The following LSAMP variants were observed in gnomAD, a reference collection of about 807,000 sequenced individuals.
LSAMP encodes the protein limbic system-associated membrane protein.
In LSAMP, 7 loss-of-function variants were observed where a neutral mutation model predicts 38.6. That is an observed-to-expected ratio of 0.18 (90% CI 0.10 to 0.34). The LOEUF (loss-of-function observed/expected upper bound fraction) is 0.34, where lower values mean the gene tolerates loss of function less well. Ranked by LOEUF, LSAMP falls within the 10% of genes least tolerant of loss-of-function variation. The pLI, the probability that LSAMP is intolerant of heterozygous loss-of-function variation, is 1.00. For synonymous variants in LSAMP, 154 were observed against 166.8 expected, an observed-to-expected ratio of 0.92 and a Z score of 0.59; for missense variants, 313 against 420.0, an observed-to-expected ratio of 0.75 and a Z score of 2.23.
chr3:116,044,529 T>C (rs1037943738), intron 2 of LSAMP, among the ~76,000 whole-genome samples: 1 of 151,804 alleles, frequency 6.6e-6, no homozygotes, highest in African/African-American at 2.4e-5. Flanking sequence ...AACCGTTTCA[T>C]GCATAAAAGG....
chr3:116,280,392 T>G (rs1223872254), intron 1 of LSAMP, among the ~76,000 whole-genome samples: 1 of 152,192 alleles, frequency 6.6e-6, no homozygotes, highest in South Asian at 2.1e-4. Context: ...GCTTTCTTTC[T>G]TGTATTAAAC....
intron 1 of LSAMP, among the ~76,000 whole-genome samples, chr3:116,271,169 T>G (rs76709351): frequency 0.059 from 8,995 of 152,130 alleles, 337 homozygotes; most frequent in Middle Eastern, 0.11. Flanking sequence ...ATTCAGCTAT[T>G]TCATATGCAA....
intron 6 of LSAMP, among the ~76,000 whole-genome samples, chr3:115,840,682 T>G (rs1459532532): frequency 6.6e-6 from 1 of 152,220 alleles, no homozygotes; most frequent in Non-Finnish European, 1.5e-5. Context: ...TTAAAATGGC[T>G]TTAACACTAC....
chr3:116,402,926 G>A (rs891827148), intron 1 of LSAMP, among the ~76,000 whole-genome samples: 7 of 151,992 alleles, frequency 4.6e-5, no homozygotes, highest in African/African-American at 1.5e-4. Context: ...TTGCCTTCAG[G>A]GAATGCTCCT....
intron 1 of LSAMP, among the ~76,000 whole-genome samples, chr3:116,386,504 G>T (rs1332477657): frequency 6.6e-6 from 1 of 152,094 alleles, no homozygotes; most frequent in African/African-American, 2.4e-5. Flanking sequence ...ATGGGGTTTT[G>T]CTCTGTTGCC....
At chr3:116,397,180 A>G (rs377012391) in intron 1 of LSAMP, among the ~76,000 whole-genome samples, 2 of 152,306 alleles carry the variant, frequency 1.3e-5, no homozygotes, top group African/African-American at 4.8e-5. Context: ...ACAGTAACCT[A>G]TAAAGCTCTA....
At chr3:116,332,690 T>C (rs2047866414) in intron 1 of LSAMP, among the ~76,000 whole-genome samples, 1 of 152,134 alleles carries the variant, frequency 6.6e-6, no homozygotes, top group African/African-American at 2.4e-5. Context: ...AGTAAAAATA[T>C]ATGGATTAGT....
chr3:116,035,216 T>C (rs1941020906), intron 2 of LSAMP, among the ~76,000 whole-genome samples: 1 of 152,196 alleles, frequency 6.6e-6, no homozygotes, highest in Non-Finnish European at 1.5e-5. Context: ...ATTGATAACA[T>C]GTTTGGGATT....
intron 1 of LSAMP, among the ~76,000 whole-genome samples, chr3:116,406,364 A>G (rs955271318): frequency 9.2e-5 from 14 of 152,232 alleles, no homozygotes; most frequent in Admixed American, 2.6e-4. Flanking sequence ...TGGAATCAAT[A>G]AGCAGCGTTA....
intron 2 of LSAMP, among the ~76,000 whole-genome samples, chr3:116,072,592 T>TCTTAACCTTAATAA (rs1576346178): frequency 6.6e-6 from 1 of 152,324 alleles, no homozygotes; most frequent in East Asian, 1.9e-4. Context: ...ATTGCCATTT[T>TCTTAACCTTAATAA]GACTGGTGTG....
At chr3:115,893,524 G>C (rs958958093) in intron 3 of LSAMP, among the ~76,000 whole-genome samples, 1 of 151,852 alleles carries the variant, frequency 6.6e-6, no homozygotes, top group African/African-American at 2.4e-5. Context: ...AATATTGGCA[G>C]GAAGAATTAT....
chr3:116,044,014 C>T (rs990313345), intron 2 of LSAMP, among the ~76,000 whole-genome samples: 2 of 152,200 alleles, frequency 1.3e-5, no homozygotes, highest in Non-Finnish European at 2.9e-5. Flanking sequence ...TCAAAAGTTG[C>T]TCTACTCTTC....
rs374542146 is a variant in LSAMP, at chr3:116,164,760, A to ATATATAT, written c.156-78205_156-78204insATATATA. On this transcript the variant is annotated intron_variant, in intron 1 of 6. Transcript: ENST00000490035. ...TATATATCCATATATATATATATAT[A>ATATATAT]TTTTTTTTTTTTTTCAAGTAGCATC... Among the ~76,000 whole-genome samples, 351 of 91,564 alleles carry ATATATAT rather than the reference A, an allele frequency of 3.8e-3. 15 individuals carry two copies. Among genetic ancestry groups the ATATATAT allele is most frequent in the East Asian group, 0.01 (34 of 3,270 alleles). The allele number at this position is 91,564 out of a possible 152,430, so 60.1% of individuals were successfully genotyped here. A position where few individuals can be genotyped will look rare whatever the true frequency, so the allele number is the denominator to read the frequency against.
intron 1 of LSAMP, among the ~76,000 whole-genome samples, chr3:116,320,385 C>A (rs1272778035): frequency 1.3e-5 from 2 of 152,080 alleles, no homozygotes; most frequent in Non-Finnish European, 2.9e-5. Flanking sequence ...TGCACTGCAG[C>A]CTGGGTGACA....
intron 1 of LSAMP, among the ~76,000 whole-genome samples, chr3:116,341,467 G>C (rs1188055995): frequency 1.3e-5 from 2 of 151,810 alleles, no homozygotes; most frequent in East Asian, 1.9e-4. Flanking sequence ...CACCTTTGAG[G>C]CTCCTCAGAT....
chr3:115,846,478 G>A (rs1935163642), intron 4 of LSAMP, among the ~76,000 whole-genome samples: 2 of 152,114 alleles, frequency 1.3e-5, no homozygotes, highest in African/African-American at 2.4e-5. Context: ...AAAATTTAAT[G>A]TATAGTCATT....
intron 1 of LSAMP, among the ~76,000 whole-genome samples, chr3:116,376,576 A>T (rs1224265265): frequency 2.6e-5 from 4 of 152,036 alleles, no homozygotes; most frequent in African/African-American, 9.7e-5. Context: ...TGTACTATTA[A>T]TCTGTCTGTA....
intron 3 of LSAMP, among the ~76,000 whole-genome samples, chr3:115,870,253 T>C (rs1935994217): frequency 6.6e-6 from 1 of 152,106 alleles, no homozygotes. Flanking sequence ...TGTTAACCCA[T>C]GGTGTAGAGG....
intron 1 of LSAMP, among the ~76,000 whole-genome samples, chr3:116,176,506 C>T (rs374044833): frequency 7.2e-4 from 109 of 152,132 alleles, no homozygotes; most frequent in African/African-American, 2.6e-3. Context: ...ATGAAGCAAC[C>T]AACTAAAGAA....
Sources: gnomAD v4.1 joint callset for allele counts (sites outside exome capture counted in the v4.1 genomes callset) on GRCh38, gnomAD v4.1.1 for gene constraint, MANE v1.5 for transcripts, NCBI Gene and HGNC (gene_info 2026-07-23, HGNC 2026-07-21) for gene names.